Variants in TTC7B observed in about 807,000 individuals in gnomAD.
The protein encoded by TTC7B is tetratricopeptide repeat domain 7B.
Under a neutral mutation model 106.8 loss-of-function variants are expected in TTC7B, and 28 were observed. The ratio of observed to expected loss-of-function variants is 0.26; its 90% CI spans 0.19 to 0.36. The LOEUF (loss-of-function observed/expected upper bound fraction) is 0.36. Among genes scored for constraint, TTC7B ranks in the 10% least tolerant of loss-of-function variants. The pLI is 1.00. For synonymous variants in TTC7B, 405 were observed against 430.6 expected, an observed-to-expected ratio of 0.94 and a Z score of 0.74; for missense variants, 862 against 1,076.4, an observed-to-expected ratio of 0.80 and a Z score of 2.79.
intron 3 of TTC7B, among the ~76,000 whole-genome samples, chr14:90,753,049 A>T (rs1410348002): frequency 4.6e-5 from 7 of 152,260 alleles, no homozygotes; most frequent in African/African-American, 1.7e-4. Context: ...GAGCTGTACA[A>T]GTCTAAGAGA....
intron 18 of TTC7B, among the ~76,000 whole-genome samples, chr14:90,588,664 T>A (rs2139816539): frequency 6.6e-6 from 1 of 152,276 alleles, no homozygotes; most frequent in African/African-American, 2.4e-5. Context: ...CTCACTTCTA[T>A]CCAGCCTGGG....
At chr14:90,615,979 G>A (rs761929206) in intron 16 of TTC7B, among the ~76,000 whole-genome samples, 5 of 152,148 alleles carry the variant, frequency 3.3e-5, no homozygotes, top group Non-Finnish European at 7.3e-5. Flanking sequence ...AGGAAATGGA[G>A]GAAGTATGGA....
At chr14:90,622,541 C>A (rs1309064517) in intron 15 of TTC7B, among the ~76,000 whole-genome samples, 1 of 150,120 alleles carries the variant, frequency 6.7e-6, no homozygotes, top group Non-Finnish European at 1.5e-5. Context: ...CCAGCCTGGG[C>A]AACATGGTGA....
chr14:90,676,443 C>G, intron 9 of TTC7B, 80 bp downstream of exon 9: 4 of 1,526,650 alleles, frequency 2.6e-6, no homozygotes, highest in Non-Finnish European at 3.6e-6. Context: ...GGCCCAGGAC[C>G]AGGTCTCACA....
rs1886913605 is a variant in TTC7B, at chr14:90,678,125, C to G, written c.1015-1465G>C. 5.3e-5 allele frequency among the ~76,000 whole-genome samples: 8 copies of G among 152,310 alleles called. No individual in the cohort carries two copies. In the South Asian group the frequency reaches 1.7e-3, roughly 32 times the overall value. On this transcript the variant is annotated intron_variant, in intron 8 of 19. Transcript: ENST00000328459. ...ACTTTCAAGTTATACTAAATGCATT[C>G]TTTTCATTTTTAGAGAAAGTATCAG...
intron 13 of TTC7B, among the ~76,000 whole-genome samples, 195 bp downstream of exon 13, chr14:90,652,646 A>C (rs560218434): frequency 6.6e-6 from 1 of 152,348 alleles, no homozygotes; most frequent in Non-Finnish European, 1.5e-5. Flanking sequence ...ATGGATAAAC[A>C]GATTAAGAGT....
intron 3 of TTC7B, among the ~76,000 whole-genome samples, chr14:90,763,998 A>C (rs1423339332): frequency 6.6e-6 from 1 of 152,178 alleles, no homozygotes; most frequent in Non-Finnish European, 1.5e-5. Context: ...ATGAAATGTA[A>C]GCCAAAAAAA....
At chr14:90,794,319 C>T (rs747841724) in intron 1 of TTC7B, among the ~76,000 whole-genome samples, 21 of 150,890 alleles carry the variant, frequency 1.4e-4, no homozygotes, top group East Asian at 3.9e-4. Flanking sequence ...CTCCACCTCC[C>T]GGGTTCAAGT....
intron 3 of TTC7B, among the ~76,000 whole-genome samples, chr14:90,760,128 G>C (rs1389340562): frequency 6.6e-6 from 1 of 152,224 alleles, no homozygotes; most frequent in African/African-American, 2.4e-5. Flanking sequence ...GACAAACGGG[G>C]CTGGAGAGGT....
At chr14:90,798,980 T>C (rs2030069172) in intron 1 of TTC7B, among the ~76,000 whole-genome samples, 1 of 152,174 alleles carries the variant, frequency 6.6e-6, no homozygotes, top group African/African-American at 2.4e-5. Context: ...CTGTGTGCTC[T>C]TGGTCTAGAG....
Position 90,577,525 on chromosome 14 carries a change from C to T in TTC7B, c.2310+581G>A, listed in dbSNP as rs938737930. Among the ~76,000 whole-genome samples the T allele has an allele frequency of 1.3e-5, 2 of 152,156 alleles. No homozygotes were observed. The highest frequency in any genetic ancestry group is 4.8e-5 in the African/African-American group (2 of 41,440). ...CGAAGGATGTGCACTCGTTGAGCGC[C>T]GCCACACCCCTGTGCAGTGTGGACA... On this transcript the variant is annotated intron_variant, in intron 19 of 19. Coordinates refer to ENST00000328459, the MANE Select transcript of TTC7B (RefSeq NM_001010854.2). This position sits in a 1 kb window ranked among gnomAD's most constrained non-coding sequence, Gnocchi z 5.0.
At chr14:90,645,995 G>C (rs1255199084) in intron 14 of TTC7B, among the ~76,000 whole-genome samples, 1 of 152,192 alleles carries the variant, frequency 6.6e-6, no homozygotes, top group Non-Finnish European at 1.5e-5. Context: ...GTCAGCGTAG[G>C]GGAGAGATCA....
At chr14:90,774,218 C>T (rs1257472103) in intron 3 of TTC7B, among the ~76,000 whole-genome samples, 7 of 152,252 alleles carry the variant, frequency 4.6e-5, no homozygotes, top group Middle Eastern at 3.4e-3. Flanking sequence ...AGTCTGTAGC[C>T]GCTCCGCTCA....
In TTC7B at chr14:90,753,298, G is replaced by A. The variant is rs534835890; in HGVS notation, c.446-8376C>T. Among the ~76,000 whole-genome samples the A allele has an allele frequency of 3.9e-5, 6 of 152,298 alleles. No individual in the cohort carries two copies. The East Asian group carries it at 1.2e-3, about 29-fold the overall frequency. On this transcript the variant is annotated intron_variant, in intron 3 of 19. Coordinates refer to ENST00000328459, the MANE Select transcript of TTC7B (RefSeq NM_001010854.2). ...ATGACCCACAGGGGTGTTTATAACT[G>A]AAAGTACCAGAAAGCCTTTATTATA...
At chr14:90,611,314 C>T (rs1053277993) in intron 16 of TTC7B, among the ~76,000 whole-genome samples, 2 of 152,182 alleles carry the variant, frequency 1.3e-5, no homozygotes, top group African/African-American at 2.4e-5. Flanking sequence ...AAACAACAGA[C>T]GCCTAGGTCC....
At chr14:90,738,423 A>G (rs990341603) in intron 4 of TTC7B, among the ~76,000 whole-genome samples, 2 of 152,168 alleles carry the variant, frequency 1.3e-5, no homozygotes, top group African/African-American at 2.4e-5. Flanking sequence ...AGCCTAGCCA[A>G]CATGATGAAA....
At chr14:90,712,511 A>G (rs1372160674) in intron 5 of TTC7B, among the ~76,000 whole-genome samples, 4 of 152,236 alleles carry the variant, frequency 2.6e-5, no homozygotes, top group African/African-American at 9.6e-5. Flanking sequence ...TGAAAATGAA[A>G]TTAAGAAAGC....
At chr14:90,609,527 C>T (rs1354164433) in intron 17 of TTC7B, among the ~76,000 whole-genome samples, 1 of 152,108 alleles carries the variant, frequency 6.6e-6, no homozygotes, top group African/African-American at 2.4e-5. Context: ...CAGGACAAGC[C>T]CTGGCAGTGC....
At chr14:90,556,679 C>T (rs768410446) in intron 19 of TTC7B, among the ~76,000 whole-genome samples, 2 of 152,204 alleles carry the variant, frequency 1.3e-5, no homozygotes, top group African/African-American at 2.4e-5. Flanking sequence ...GTGCTAATCA[C>T]CCCCTAAAGA....
Sources: allele counts gnomAD v4.1 joint callset (sites outside exome capture counted in the v4.1 genomes callset), GRCh38; gene constraint gnomAD v4.1.1; non-coding constraint Gnocchi (gnomAD v3.1); transcripts MANE v1.5; gene names NCBI Gene and HGNC (gene_info 2026-07-23, HGNC 2026-07-21).